The following FANCD2 variants were observed in gnomAD, a reference collection of about 807,000 sequenced individuals.
FANCD2 encodes FA complementation group D2.
In FANCD2, 131 loss-of-function variants were observed where a neutral mutation model predicts 192.3. That is an observed-to-expected ratio of 0.68 (90% CI 0.59 to 0.79). The LOEUF (loss-of-function observed/expected upper bound fraction) is 0.79. Among genes scored for constraint, FANCD2 ranks in the 30% least tolerant of loss-of-function variants. The pLI is 0.00. For synonymous variants in FANCD2, 524 were observed against 612.5 expected, an observed-to-expected ratio of 0.86 and a Z score of 2.13; for missense variants, 1,508 against 1,701.6, an observed-to-expected ratio of 0.89 and a Z score of 2.00.
Position 10,032,981 on chromosome 3 carries a change from T to G in FANCD2, c.205+9T>G, listed in dbSNP as rs34113138. 1.4e-3 allele frequency: 2,229 copies of G among 1,548,618 alleles called. 48 individuals are homozygous for G. The South Asian group carries it at 0.018, about 12-fold the overall frequency. On this transcript the variant is annotated intron_variant, in intron 3 of 43. Coordinates refer to ENST00000675286, the MANE Select transcript of FANCD2 (RefSeq NM_001018115.3). ...GAGTCAGAATCAACTAGGTAATATT[T>G]TAATCTAATTTTATTCTCTGGGTTT... is the stretch of plus-strand genomic sequence containing the variant.
intron 10 of FANCD2, among the ~76,000 whole-genome samples, 191 bp downstream of exon 10, chr3:10,041,901 G>A (rs1264232722): frequency 7.4e-6 from 1 of 134,646 alleles, no homozygotes; most frequent in African/African-American, 3.4e-5. Context: ...AGAGTCACAG[G>A]TCTGTTTTTT....
At chr3:10,074,695 C>G in intron 29 of FANCD2, 22 bp downstream of exon 29, 1 of 1,611,696 alleles carries the variant, frequency 6.2e-7, no homozygotes, top group Non-Finnish European at 8.5e-7. Context: ...GCTAGGATCT[C>G]AGAATTTAAT....
chr3:10,059,980 C>T (rs1342025689), intron 18 of FANCD2, among the ~76,000 whole-genome samples: 1 of 151,392 alleles, frequency 6.6e-6, no homozygotes, highest in Non-Finnish European at 1.5e-5. Flanking sequence ...CCAGCCTAGC[C>T]AACATGGTGA....
chr3:10,087,160 T>G lies in FANCD2; in HGVS notation c.3362T>G (p.Phe1121Cys). The G allele has an allele frequency of 6.2e-7, 1 of 1,614,114 alleles. No homozygotes were observed. Among genetic ancestry groups the G allele is most frequent in the Middle Eastern group, 1.6e-4 (1 of 6,062 alleles). The stretch of plus-strand genomic sequence containing the variant: ...CAGAGCGTCCATTACTTGCAGAATT[T>G]CCATCAAAGCATTCCCAGTTTCCAG... ...LSQSVHYLQN[F>C]HQSIPSFQCA... The change falls in exon 34 of 44, where the codon TTC (phenylalanine) becomes TGC (cysteine). Residue 1121 changes from phenylalanine to cysteine, a missense_variant. Coordinates refer to ENST00000675286, the MANE Select transcript of FANCD2 (RefSeq NM_001018115.3).
intron 18 of FANCD2, among the ~76,000 whole-genome samples, chr3:10,056,298 G>C (rs1333149411): frequency 6.6e-6 from 1 of 152,108 alleles, no homozygotes; most frequent in Non-Finnish European, 1.5e-5. Context: ...ACAAATATTT[G>C]TTTGAGTCCC....
rs35898115 is a variant in FANCD2, at chr3:10,029,974, C to T, written c.64+1253C>T. 4.4e-3 allele frequency among the ~76,000 whole-genome samples: 674 copies of T among 151,934 alleles called. 3 individuals are homozygous for T. Among genetic ancestry groups the T allele is most frequent in the African/African-American group, 0.016 (651 of 41,438 alleles). On this transcript the variant is annotated intron_variant, in intron 2 of 43. Transcript: ENST00000675286. ...GATTTTTTTGTATCTTTAGTAGAGA[C>T]GGGGTTTCACCATGCTGGCCAGGGG...
intron 19 of FANCD2, among the ~76,000 whole-genome samples, chr3:10,061,860 T>TA (rs1435998707): frequency 3.3e-5 from 5 of 150,790 alleles, no homozygotes; most frequent in African/African-American, 1.2e-4. Context: ...AAAGTGAAAT[T>TA]AAAATTCTGT....
intron 7 of FANCD2, chr3:10,037,738 G>C (rs2086766654): frequency 6.6e-6 from 1 of 152,070 alleles, no homozygotes; most frequent in East Asian, 1.9e-4. Context: ...ATTAATAATT[G>C]TAAAAAGAAT....
chr3:10,035,009 A>G (rs1164551335), intron 5 of FANCD2, among the ~76,000 whole-genome samples, 164 bp from the exon 6 acceptor site: 1 of 152,110 alleles, frequency 6.6e-6, no homozygotes, highest in African/African-American at 2.4e-5. Context: ...TCAAATCTCT[A>G]CCTCTCCCTT....
chr3:10,090,440 CTGATT>C, intron 37 of FANCD2, 55 bp downstream of exon 37: 3 of 552,954 alleles, frequency 5.4e-6, no homozygotes, highest in Non-Finnish European at 9.0e-6. Flanking sequence ...TTGGAAGTTG[CTGATT>C]TTTTTTTTTT....
rs886057695 is a variant in FANCD2 at position 10,099,340 on chromosome 3, A to G, written c.4281+525A>G. 8.3e-6 allele frequency: 10 copies of G among 1,200,430 alleles called. 1 individual carries two copies. The highest frequency in any genetic ancestry group is 3.9e-5 in the South Asian group (2 of 51,148). The allele number at this position is 1,200,430 out of a possible 1,614,324, so 74.4% of individuals were successfully genotyped here. On this transcript the variant is annotated intron_variant, in intron 43 of 43. Transcript: ENST00000675286. ...AAGAAAGCTAAATAAAAATGTAGAC[A>G]TGGCTGGCGCAGTGGCTCATGCTTG... is the stretch of plus-strand genomic sequence containing the variant.
chr3:10,053,974 G>T (rs893982629), intron 18 of FANCD2, among the ~76,000 whole-genome samples: 6 of 152,104 alleles, frequency 3.9e-5, no homozygotes, highest in African/African-American at 1.4e-4. Context: ...ACTTTGGGAG[G>T]CCAAGGCAGG....
intron 34 of FANCD2, among the ~76,000 whole-genome samples, chr3:10,087,668 G>A (rs1234345907): frequency 6.6e-6 from 1 of 151,152 alleles, no homozygotes; most frequent in Non-Finnish European, 1.5e-5. Context: ...TTTTTTTTGA[G>A]ACAGAGTCTC....
rs200041772 is a variant in FANCD2 at position 10,060,377 on chromosome 3, C to G, written c.1740C>G (p.Thr580=). ...TCATTGGGATTATTGGTGCTGTGACCATGGCTGGCATCATGGCGGCAGACA... is the reference window on the plus strand; with the variant it reads ...TCATTGGGATTATTGGTGCTGTGACGATGGCTGGCATCATGGCGGCAGACA... ...YKLIGIIGAV[T]MAGIMAADRS... The change falls in exon 19 of 44, where the codon ACC becomes ACG. Residue 580 remains threonine (T), a synonymous_variant. Coordinates refer to ENST00000675286, the MANE Select transcript of FANCD2 (RefSeq NM_001018115.3). 1 of 1,613,888 alleles carries G rather than the reference C, an allele frequency of 6.2e-7. No individual in the cohort carries two copies. The highest frequency in any genetic ancestry group is 2.2e-5 in the East Asian group (1 of 44,874).
At chr3:10,086,154 A>G (rs1405574509) in intron 33 of FANCD2, among the ~76,000 whole-genome samples, 4 of 152,256 alleles carry the variant, frequency 2.6e-5, no homozygotes, top group African/African-American at 9.6e-5. Flanking sequence ...CCATAAACTC[A>G]GCCTTTTCAA....
Position 10,067,307 on chromosome 3 carries a change from G to C in FANCD2, c.2484G>C (p.Lys828Asn), listed in dbSNP as rs55980657. ...HIVELQIILE[K>N]YLAVTPDYVP... The stretch of plus-strand genomic sequence containing the variant: ...TAGAATTGCAAATAATCCTGGAAAA[G>C]TACTTGGCAGGTAAGAGAAGTGTCC... The change falls in exon 26 of 44, where the codon AAG becomes AAC. Residue 828 changes from lysine (K) to asparagine (N), a missense_variant. Around this residue, in one of 5 missense-constraint regions of FANCD2, gnomAD observed 796 missense variants for 879.4 expected, o/e 0.91. Transcript: ENST00000675286. 9.3e-6 allele frequency: 15 copies of C among 1,606,806 alleles called. No individual in the cohort carries two copies. Among genetic ancestry groups the C allele is most frequent in the Non-Finnish European group, 1.3e-5 (15 of 1,173,672 alleles).
chr3:10,039,979 A>G, intron 9 of FANCD2, 134 bp downstream of exon 9: 1 of 863,250 alleles, frequency 1.2e-6, no homozygotes, highest in South Asian at 1.6e-5. Context: ...TGAGTAGGGT[A>G]TGGGATTTGA....
chr3:10,041,458 T>A, intron 9 of FANCD2, 165 bp from the exon 10 acceptor site: 1 of 582,094 alleles, frequency 1.7e-6, no homozygotes, highest in Non-Finnish European at 3.1e-6. Flanking sequence ...GTATTATTTT[T>A]TGCAGTCAAA....
intron 12 of FANCD2, 115 bp downstream of exon 12, chr3:10,043,265 ATAT>A (rs1399652570): frequency 1.2e-6 from 1 of 862,400 alleles, no homozygotes; most frequent in Non-Finnish European, 1.9e-6. Context: ...ATCTAGTATT[ATAT>A]TGTTTTTCAA....
Sources: allele counts gnomAD v4.1 joint callset (sites outside exome capture counted in the v4.1 genomes callset), GRCh38; gene constraint gnomAD v4.1.1; regional missense constraint gnomAD v4.1.1; transcripts MANE v1.5; gene names NCBI Gene and HGNC (gene_info 2026-07-23, HGNC 2026-07-21).